MAT2B: variants seen among roughly 807,000 people sequenced by gnomAD.
The protein encoded by MAT2B is methionine adenosyltransferase 2 subunit beta.
A neutral mutation model predicts 36.1 loss-of-function variants in MAT2B; 16 were observed. The ratio of observed to expected loss-of-function variants is 0.44; its 90% confidence interval spans 0.30 to 0.67. The LOEUF (loss-of-function observed/expected upper bound fraction) is 0.67. MAT2B is among the 30% of genes least tolerant of loss of function. MAT2B has a pLI of 0.09. For synonymous variants in MAT2B, 148 were observed against 136.9 expected, an observed-to-expected ratio of 1.08 and a Z score of -0.57; for missense variants, 332 against 398.2, an observed-to-expected ratio of 0.83 and a Z score of 1.42.
chr5:163,509,745 C>T (rs978395977), intron 1 of MAT2B, among the ~76,000 whole-genome samples: 5 of 152,106 alleles, frequency 3.3e-5, no homozygotes, highest in Non-Finnish European at 7.4e-5. Flanking sequence ...CATGTTTTCT[C>T]CTCTTTACAG....
intron 2 of MAT2B, chr5:163,513,274 A>G: frequency 3.8e-6 from 1 of 260,508 alleles, no homozygotes; most frequent in Non-Finnish European, 7.4e-6. Context: ...ACATGCATGA[A>G]CCGTCACACC....
Position 163,505,625 on chromosome 5 carries a change from C to G in MAT2B, c.-62C>G, listed in dbSNP as rs1308744002. On this transcript the variant is annotated 5_prime_UTR_variant, in exon 1 of 7. Coordinates refer to ENST00000321757, the MANE Select transcript of MAT2B (RefSeq NM_013283.5). ...GGCCGAGGGCGTCTGAGCTGAGGCC[C>G]GCGTCGATCCTGGGTTGGAGGAGGT... 2.4e-6 allele frequency: 3 copies of G among 1,251,114 alleles called. No homozygotes were observed. The highest frequency in any genetic ancestry group is 3.1e-5 in the East Asian group (1 of 31,824). 77.5% of individuals were successfully genotyped at this position (1,251,114 alleles called of 1,614,324 possible).
upstream of MAT2B, chr5:163,505,480 A>G (rs1489058854): frequency 7.4e-6 from 9 of 1,220,808 alleles, no homozygotes; most frequent in Admixed American, 1.7e-4. Flanking sequence ...GGCTGGGGGC[A>G]GACCGCGCGT....
At chr5:163,511,885 G>T in intron 1 of MAT2B, 117 bp from the exon 2 acceptor site, 1 of 760,476 alleles carries the variant, frequency 1.3e-6, no homozygotes. Flanking sequence ...TGCAGATATG[G>T]GACATGAGTC....
At chr5:163,507,810 T>A (rs1411683379) in intron 1 of MAT2B, among the ~76,000 whole-genome samples, 1 of 152,334 alleles carries the variant, frequency 6.6e-6, no homozygotes, top group East Asian at 1.9e-4. Flanking sequence ...AGATATTTGT[T>A]TGGCATATTT....
In MAT2B at chr5:163,512,054, T is replaced by G. The variant is rs1760055569; in HGVS notation, c.116T>G (p.Leu39Arg). 1 of 1,614,096 alleles carries G rather than the reference T, an allele frequency of 6.2e-7. No individual in the cohort carries two copies. The highest frequency in any genetic ancestry group is 1.3e-5 in the African/African-American group (1 of 74,948). ...GTTCTGGTTACTGGTGCCACTGGGC[T>G]TCTTGGCAGAGCTGTACACAAAGAA... is the stretch of plus-strand genomic sequence containing the variant. ...RRVLVTGATG[L>R]LGRAVHKEFQ... Residue 39 changes from leucine to arginine, a missense_variant, in exon 2 of 7, where the codon CTT becomes CGT. Transcript: ENST00000321757.
intron 1 of MAT2B, among the ~76,000 whole-genome samples, chr5:163,507,324 C>G (rs1759964132): frequency 6.6e-6 from 1 of 152,180 alleles, no homozygotes; most frequent in Non-Finnish European, 1.5e-5. Flanking sequence ...ATGTATCTCC[C>G]ATTACCTATA....
Position 163,518,263 on chromosome 5 carries a change from C to T in MAT2B, c.905C>T (p.Thr302Ile), listed in dbSNP as rs80145956. Residue 302 changes from threonine (T) to isoleucine (I), a missense_variant, in exon 7 of 7, where the codon ACC (threonine) becomes ATC (isoleucine). Physicochemically the swap from Thr to Ile is moderately conservative, Grantham distance 89. Transcript: ENST00000321757. ...NAQLDCSKLETLGIGQRTPFR... is the reference protein window; with the variant it reads ...NAQLDCSKLEILGIGQRTPFR... ...CAGCTTGACTGCTCCAAATTGGAGACCTTGGGCATTGGCCAACGAACACCA... is the reference window on the plus strand; with the variant it reads ...CAGCTTGACTGCTCCAAATTGGAGATCTTGGGCATTGGCCAACGAACACCA... 7.7e-4 allele frequency: 1,241 copies of T among 1,613,928 alleles called. 15 individuals are homozygous for T. The East Asian group carries it at 0.019, about 25-fold the overall frequency.
intron 1 of MAT2B, among the ~76,000 whole-genome samples, chr5:163,511,305 C>T (rs1760037404): frequency 6.6e-6 from 1 of 151,410 alleles, no homozygotes; most frequent in Admixed American, 6.6e-5. Context: ...CTCACTCTGT[C>T]CCCCAGACTG....
At chr5:163,513,524 A>T in intron 2 of MAT2B, 31 bp from the exon 3 acceptor site, 1 of 1,278,796 alleles carries the variant, frequency 7.8e-7, no homozygotes, top group Non-Finnish European at 1.1e-6. Flanking sequence ...TTTTATTTTG[A>T]GTTAAAAATA....
At chr5:163,503,604 C>T (rs932333967), upstream of MAT2B, among the ~76,000 whole-genome samples, 2 of 152,246 alleles carry the variant, frequency 1.3e-5, no homozygotes, top group African/African-American at 4.8e-5. Flanking sequence ...GTTACTGACC[C>T]GGAGAACCAG....
At chr5:163,508,844 G>A (rs528613103) in intron 1 of MAT2B, among the ~76,000 whole-genome samples, 37 of 152,104 alleles carry the variant, frequency 2.4e-4, no homozygotes, top group Non-Finnish European at 3.5e-4. Flanking sequence ...TAAGAGTGAC[G>A]ATCTGAAGTG....
chr5:163,508,575 G>A (rs1759984451), intron 1 of MAT2B, among the ~76,000 whole-genome samples: 1 of 152,058 alleles, frequency 6.6e-6, no homozygotes, highest in Non-Finnish European at 1.5e-5. Context: ...AGCTATGATT[G>A]TATACTTATA....
At chr5:163,508,248 T>G (rs2113551016) in intron 1 of MAT2B, among the ~76,000 whole-genome samples, 1 of 151,572 alleles carries the variant, frequency 6.6e-6, no homozygotes, top group East Asian at 1.9e-4. Flanking sequence ...TGGGTTTTTT[T>G]GTTTTCTTTT....
chr5:163,513,345 A>G (rs2113557940), intron 2 of MAT2B: 1 of 448,108 alleles, frequency 2.2e-6, no homozygotes, highest in East Asian at 3.6e-5. Context: ...ATTATGAAAT[A>G]CTCTTTTCAG....
rs1581214708 is a variant in MAT2B at position 163,514,118 on chromosome 5, A to G, written c.526+124A>G. ...TATGAATCATTAGAGAAAAATTAGA[A>G]TATAGTTAATAAAGAAAATAAAAAA... On this transcript the variant is annotated intron_variant, in intron 4 of 6. Coordinates refer to ENST00000321757, the MANE Select transcript of MAT2B (RefSeq NM_013283.5). 7.0e-6 allele frequency: 5 copies of G among 711,620 alleles called. No individual in the cohort carries two copies. In the East Asian group the frequency reaches 1.6e-4, roughly 23 times the overall value. 44.1% of individuals were successfully genotyped at this position (711,620 alleles called of 1,614,324 possible).
At chr5:163,514,975 C>G (rs1760108918) in intron 4 of MAT2B, among the ~76,000 whole-genome samples, 1 of 152,160 alleles carries the variant, frequency 6.6e-6, no homozygotes, top group African/African-American at 2.4e-5. Context: ...AGGTGAGGGT[C>G]TTTCTGGTCC....
chr5:163,506,870 GA>G (rs2113549361), intron 1 of MAT2B, among the ~76,000 whole-genome samples: 1 of 152,282 alleles, frequency 6.6e-6, no homozygotes, highest in African/African-American at 2.4e-5. Context: ...AAACAACGAA[GA>G]GCTTGGCACA....
rs1760027266 is a variant in MAT2B at position 163,510,807 on chromosome 5, CT to C, written c.64-1194del. Among the ~76,000 whole-genome samples, 3 of 151,976 alleles carry C rather than the reference CT, an allele frequency of 2.0e-5. No individual in the cohort carries two copies. In the South Asian group the frequency reaches 6.2e-4, roughly 31 times the overall value. On this transcript the variant is annotated intron_variant, in intron 1 of 6. Coordinates refer to ENST00000321757, the MANE Select transcript of MAT2B (RefSeq NM_013283.5). ...TGTAAGGACCAAGTTTTTTTTCCTC[CT>C]CGTATATTCCTTTGAAATGTTGATT...
Sources: allele counts gnomAD v4.1 joint callset (sites outside exome capture counted in the v4.1 genomes callset), GRCh38; gene constraint gnomAD v4.1.1; transcripts MANE v1.5; gene names NCBI Gene and HGNC (gene_info 2026-07-23, HGNC 2026-07-21).